Variants in SETDB1 observed in about 807,000 individuals in gnomAD.
The protein encoded by SETDB1 is SET domain bifurcated histone lysine methyltransferase 1.
Under a neutral mutation model 137.4 loss-of-function variants are expected in SETDB1, and 31 were observed. The ratio of observed to expected loss-of-function variants is 0.23; its 90% CI spans 0.17 to 0.30. SETDB1 has a LOEUF of 0.30. Ranked by LOEUF, SETDB1 falls within the 10% of genes least tolerant of loss-of-function variation. The pLI is 1.00. For synonymous variants in SETDB1, 548 were observed against 579.9 expected (o/e 0.95, Z 0.79); for missense variants, 1,113 against 1,631.5 (o/e 0.68, Z 5.47).
chr1:150,946,934 C>T lies in SETDB1; in HGVS notation c.1189C>T (p.Pro397Ser), dbSNP rs1406095791. 1 of 1,614,036 alleles carries T rather than the reference C, an allele frequency of 6.2e-7. No individual in the cohort carries two copies. The highest frequency in any genetic ancestry group is 8.5e-7 in the Non-Finnish European group (1 of 1,179,928). ...WIYRGSTRLE[P>S]MFSMKTSSAS... ...CTATCGAGGCTCTACACGGCTGGAG[C>T]CCATGTTCAGCATGAAAACATCCTC... The change falls in exon 10 of 22, where the codon CCC becomes TCC. Residue 397 changes from proline (P) to serine (S), a missense_variant. Around this residue, in one of 11 missense-constraint regions of SETDB1, gnomAD observed 154 missense variants for 303.1 expected, o/e 0.51. Transcript: ENST00000692827.
intron 12 of SETDB1, among the ~76,000 whole-genome samples, chr1:150,950,037 C>T (rs1187671479): frequency 6.6e-6 from 1 of 152,062 alleles, no homozygotes; most frequent in Non-Finnish European, 1.5e-5. Context: ...AGTTCGAGAC[C>T]AGCCTGGCCA....
intron 5 of SETDB1, 69 bp from the exon 6 acceptor site, chr1:150,942,494 C>G: frequency 2.2e-6 from 3 of 1,389,136 alleles, no homozygotes; most frequent in East Asian, 2.3e-5. Context: ...CCATACTACC[C>G]TCTTTACCTT....
intron 12 of SETDB1, among the ~76,000 whole-genome samples, chr1:150,950,223 A>G (rs587640856): frequency 1.4e-4 from 1 of 7,218 alleles, no homozygotes; most frequent in South Asian, 2.7e-3. Context: ...AAAAAGAGCG[A>G]AACTTGTCTC....
rs1372186602 is a variant in SETDB1 at position 150,963,558 on chromosome 1, A to G, written c.3489A>G (p.Lys1163=). Residue 1163 remains lysine, a synonymous_variant, in exon 20 of 22, where the codon AAA becomes AAG. Transcript: ENST00000692827. ...CAATGAAGCGTCAAGTGGCAGTAAA[A>G]TCAACCCGAGGCTTTGCTCTTAAAT... ...TGPMKRQVAV[K]STRGFALKST... 1.2e-6 allele frequency: 2 copies of G among 1,613,866 alleles called. No individual in the cohort carries two copies. Among genetic ancestry groups the G allele is most frequent in the Admixed American group, 1.7e-5 (1 of 60,018 alleles).
Position 150,927,813 on chromosome 1 carries a change from G to C in SETDB1, c.99G>C (p.Leu33=). The C allele has an allele frequency of 6.2e-7, 1 of 1,614,190 alleles. No individual in the cohort carries two copies. The highest frequency in any genetic ancestry group is 8.5e-7 in the Non-Finnish European group (1 of 1,180,032). The part of the protein sequence containing the change: ...AELQQAVVEE[L]GISMEELRHF... ...TGCAACAGGCAGTGGTTGAGGAACTGGGTATCTCTATGGAGGAACTTCGGC... is the reference window on the plus strand; with the variant it reads ...TGCAACAGGCAGTGGTTGAGGAACTCGGTATCTCTATGGAGGAACTTCGGC... Residue 33 remains leucine, a synonymous_variant, in exon 2 of 22, where the codon CTG becomes CTC. Coordinates refer to ENST00000692827, the MANE Select transcript of SETDB1 (RefSeq NM_001366418.1).
chr1:150,956,091 C>CA (rs3975893), intron 14 of SETDB1, among the ~76,000 whole-genome samples: 1,042 of 101,134 alleles, frequency 0.01, 28 homozygotes, highest in African/African-American at 0.021. Flanking sequence ...GACTTCGTCT[C>CA]AAAAAAAAAA....
At chr1:150,951,233 C>T (rs1670482572) in intron 13 of SETDB1, 132 bp from the exon 14 acceptor site, 1 of 1,147,174 alleles carries the variant, frequency 8.7e-7, no homozygotes, top group Non-Finnish European at 1.3e-6. Context: ...TATAAGGCCT[C>T]CATGAAAGCT....
In SETDB1 at chr1:150,933,368, C is replaced by CTTTTTTTTTTT. The variant is rs71090112; in HGVS notation, c.412+3257_412+3267dup. On this transcript the variant is annotated intron_variant, in intron 3 of 21. Transcript: ENST00000692827. Reference sequence around the variant, plus strand: ...AGCTACCATGCCTGGCCTATTTTGTCTTTTTTTTTTTTTTTTTGAGACAGT... The same window carrying CTTTTTTTTTTT: ...AGCTACCATGCCTGGCCTATTTTGTCTTTTTTTTTTTTTTTTTTTTTTTTTTTTGAGACAGT... Among the ~76,000 whole-genome samples the CTTTTTTTTTTT allele has an allele frequency of 6.3e-3, 750 of 118,730 alleles. 32 individuals are homozygous for CTTTTTTTTTTT. Among genetic ancestry groups the CTTTTTTTTTTT allele is most frequent in the South Asian group, 6.9e-3 (23 of 3,316 alleles). The allele number at this position is 118,730 out of a possible 152,430, so 77.9% of individuals were successfully genotyped here. A position where few individuals can be genotyped will look rare whatever the true frequency, so the allele number is the denominator to read the frequency against.
In SETDB1 at chr1:150,959,406, C is replaced by T. The variant is rs115773897; in HGVS notation, c.2503+59C>T. 1.3e-3 allele frequency: 1,774 copies of T among 1,397,240 alleles called. 13 individuals carry two copies. In the African/African-American group the frequency reaches 0.023, roughly 18 times the overall value. 86.6% of individuals were successfully genotyped at this position (1,397,240 alleles called of 1,614,324 possible). Reference sequence around the variant, plus strand: ...ACTGGGACATGGTAGGGAATTGAACCAGAGACAAATTGAACATAAGAAGAA... The same window carrying T: ...ACTGGGACATGGTAGGGAATTGAACTAGAGACAAATTGAACATAAGAAGAA... On this transcript the variant is annotated intron_variant, in intron 15 of 21. Transcript: ENST00000692827.
intron 16 of SETDB1, 105 bp from the exon 17 acceptor site, chr1:150,962,025 C>T: frequency 7.5e-7 from 1 of 1,333,250 alleles, no homozygotes; most frequent in Non-Finnish European, 1.1e-6. Flanking sequence ...AGAATGTGTA[C>T]CTGTCACTGG....
At chr1:150,940,681 A>T (rs1290106004) in intron 4 of SETDB1, among the ~76,000 whole-genome samples, 3 of 151,708 alleles carry the variant, frequency 2.0e-5, no homozygotes, top group African/African-American at 7.3e-5. Context: ...CAGCCTAACC[A>T]TGGAGAAACC....
At chr1:150,941,227 C>T (rs952882436) in intron 4 of SETDB1, 102 bp from the exon 5 acceptor site, 1 of 657,932 alleles carries the variant, frequency 1.5e-6, no homozygotes, top group Non-Finnish European at 2.7e-6. Flanking sequence ...ACATAACTCA[C>T]TCCATTTTGT....
intron 3 of SETDB1, among the ~76,000 whole-genome samples, chr1:150,937,178 A>G (rs1669972076): frequency 6.6e-6 from 1 of 151,290 alleles, no homozygotes; most frequent in Non-Finnish European, 1.5e-5. Context: ...GGATTATTAC[A>G]CAGCCACTAA....
chr1:150,933,882 C>A (rs1669863920), intron 3 of SETDB1, among the ~76,000 whole-genome samples: 2 of 145,084 alleles, frequency 1.4e-5, no homozygotes, highest in Admixed American at 1.4e-4. Context: ...CTCTTGGGTT[C>A]AAGCGATTCT....
intron 8 of SETDB1, 68 bp from the exon 9 acceptor site, chr1:150,944,850 G>T: frequency 2.6e-6 from 4 of 1,557,158 alleles, no homozygotes; most frequent in South Asian, 1.2e-5. Flanking sequence ...AATGTCTCCT[G>T]GCCAAGTCTT....
At chr1:150,944,022 C>T (rs1275438833) in intron 8 of SETDB1, 29 bp downstream of exon 8, 1 of 1,416,380 alleles carries the variant, frequency 7.1e-7, no homozygotes, top group Non-Finnish European at 1.0e-6. Context: ...TTCCTTAGCT[C>T]AGTTTTCTCC....
At chr1:150,940,325 G>A (rs1399806476) in intron 4 of SETDB1, among the ~76,000 whole-genome samples, 3 of 152,034 alleles carry the variant, frequency 2.0e-5, no homozygotes, top group Non-Finnish European at 2.9e-5. Flanking sequence ...CAGCACTTGG[G>A]GAGTTTCAGG....
At chr1:150,957,994 C>A (rs1488674754) in intron 14 of SETDB1, among the ~76,000 whole-genome samples, 1 of 152,108 alleles carries the variant, frequency 6.6e-6, no homozygotes, top group Non-Finnish European at 1.5e-5. Context: ...CGAGACCAGC[C>A]TGATCAACAT....
intron 14 of SETDB1, among the ~76,000 whole-genome samples, chr1:150,954,369 A>C (rs1670584863): frequency 6.6e-6 from 1 of 152,166 alleles, no homozygotes; most frequent in Non-Finnish European, 1.5e-5. Flanking sequence ...TAGCATGGTA[A>C]ACTGGTATAT....
Sources: gnomAD v4.1 joint callset for allele counts (sites outside exome capture counted in the v4.1 genomes callset) on GRCh38, gnomAD v4.1.1 for gene constraint, gnomAD v4.1.1 regional missense constraint, MANE v1.5 for transcripts, NCBI Gene and HGNC (gene_info 2026-07-23, HGNC 2026-07-21) for gene names.